LBHD1: variants seen among roughly 807,000 people sequenced by gnomAD.
LBHD1 encodes the protein LBH domain containing 1.
Under a neutral mutation model 31.1 loss-of-function variants are expected in LBHD1, and 28 were observed. The ratio of observed to expected loss-of-function variants is 0.90; its 90% CI spans 0.67 to 1.24. LBHD1 has a LOEUF of 1.24. LBHD1 is among the 50% of genes most tolerant of loss of function. The pLI is 0.00. For synonymous variants in LBHD1, 105 were observed against 116.5 expected (o/e 0.90, Z 0.63); for missense variants, 350 against 323.0 (o/e 1.08, Z -0.64).
intron 4 of LBHD1, chr11:62,665,208 C>T: frequency 1.3e-6 from 1 of 796,454 alleles, no homozygotes; most frequent in Non-Finnish European, 2.1e-6. Flanking sequence ...CGTACTTCCG[C>T]TCAGCGCCGG....
At position 62,671,644 on chromosome 11, in the gene LBHD1, A is replaced by G; in HGVS notation, c.-91T>C. On this transcript the variant is annotated 5_prime_UTR_variant, in exon 1 of 7. Transcript: ENST00000354588. ...CGGCCGCTTATCTATGGTTTCTGCT[A>G]TAGGGCGCTCTAGCCTGCGCCAAGG... 11 of 1,543,644 alleles carry G rather than the reference A, an allele frequency of 7.1e-6. No individual in the cohort carries two copies. The highest frequency in any genetic ancestry group is 2.3e-5 in the East Asian group (1 of 44,102).
rs750901662 is a variant in LBHD1, at chr11:62,664,857, C to T, written c.655G>A (p.Glu219Lys). The change falls in exon 5 of 7, where the codon GAA becomes AAA. Residue 219 changes from glutamate (E) to lysine (K), a missense_variant. Glu to Lys is a moderately conservative substitution (Grantham distance 56). Coordinates refer to ENST00000354588, the MANE Select transcript of LBHD1 (RefSeq NM_024099.5). The stretch of plus-strand genomic sequence containing the variant: ...GAGGGTCTAGTACTTACGCCCGCTT[C>T]TTGAGGTGGTGCCGCGTGATCAGCC... ...PRADHAAPPQEAGVQCTCQHY... is the reference protein window; with the variant it reads ...PRADHAAPPQKAGVQCTCQHY... 1.7e-5 allele frequency: 26 copies of T among 1,570,228 alleles called. No individual in the cohort carries two copies. The highest frequency in any genetic ancestry group is 2.0e-5 in the Non-Finnish European group (23 of 1,157,294).
intron 4 of LBHD1, chr11:62,665,185 C>T (rs930886721): frequency 4.9e-6 from 4 of 817,548 alleles, no homozygotes; most frequent in Admixed American, 4.0e-5. Context: ...CGATTCCACT[C>T]CAGTTCACGG....
intron 4 of LBHD1, chr11:62,666,648 A>G: frequency 6.2e-7 from 1 of 1,614,076 alleles, no homozygotes; most frequent in Non-Finnish European, 8.5e-7. Context: ...CTGGGGGTGG[A>G]CTTTTCTCCT....
intron 4 of LBHD1, chr11:62,665,243 T>C (rs929666912): frequency 5.2e-6 from 4 of 762,252 alleles, no homozygotes; most frequent in Non-Finnish European, 6.8e-6. Context: ...GCCCCGGCCT[T>C]CCGCGGGCCA....
In LBHD1 at chr11:62,672,043, C is replaced by G. The variant is rs748769481; in HGVS notation, c.-490G>C. 1 of 1,611,764 alleles carries G rather than the reference C, an allele frequency of 6.2e-7. No individual in the cohort carries two copies. The highest frequency in any genetic ancestry group is 8.5e-7 in the Non-Finnish European group (1 of 1,179,210). On this transcript the variant is annotated 5_prime_UTR_variant, in exon 1 of 7. Coordinates refer to ENST00000354588, the MANE Select transcript of LBHD1 (RefSeq NM_024099.5). ...CACTCTGCAGGAGGCAGCGACCACGCAGGAGAACGTGGCCTGGAGGAAGAA... is the reference window on the plus strand; with the variant it reads ...CACTCTGCAGGAGGCAGCGACCACGGAGGAGAACGTGGCCTGGAGGAAGAA...
intron 4 of LBHD1, chr11:62,666,242 G>T (rs1421310470): frequency 2.4e-6 from 2 of 821,464 alleles, no homozygotes; most frequent in Non-Finnish European, 4.0e-6. Context: ...AGGCTGAGGT[G>T]GAGGCTTCAG....
At chr11:62,666,451 C>T in intron 4 of LBHD1, 2 of 1,613,388 alleles carry the variant, frequency 1.2e-6, no homozygotes, top group Non-Finnish European at 1.7e-6. Context: ...GGCTGCATGC[C>T]CAGCCTCGTT....
Position 62,669,683 on chromosome 11 carries a change from C to G in LBHD1, c.271G>C (p.Glu91Gln). Residue 91 changes from glutamate (E) to glutamine (Q), a missense_variant, in exon 3 of 7, where the codon GAG becomes CAG. Transcript: ENST00000354588. ...TCTTGGAAGAAGGCCTCAGCATCCT[C>G]TTCCTCACCATCAGTGAGCAGCAGC... ...ELLLLTDGEE[E>Q]DAEAFFQDQS... The G allele has an allele frequency of 6.2e-7, 1 of 1,614,200 alleles. No individual in the cohort carries two copies. Among genetic ancestry groups the G allele is most frequent in the South Asian group, 1.1e-5 (1 of 91,082 alleles).
rs1299914267 is a variant in LBHD1, at chr11:62,669,369, T to C, written c.313+272A>G. 3 of 980,332 alleles carry C rather than the reference T, an allele frequency of 3.1e-6. No individual in the cohort carries two copies. In the African/African-American group the frequency reaches 5.3e-5, roughly 17 times the overall value. The allele number at this position is 980,332 out of a possible 1,614,324, so 60.7% of individuals were successfully genotyped here. ...CTGAGATCGCGCCACTGCACTCCAG[T>C]CTGGGTGACAGAGCGAGACTCAGTC... On this transcript the variant is annotated intron_variant, in intron 3 of 6. Transcript: ENST00000354588.
In LBHD1 at chr11:62,671,833, C is replaced by T; in HGVS notation, c.-280G>A. 6.2e-7 allele frequency: 1 copy of T among 1,614,146 alleles called. No individual in the cohort carries two copies. The highest frequency in any genetic ancestry group is 1.3e-5 in the African/African-American group (1 of 75,048). The stretch of plus-strand genomic sequence containing the variant: ...CTACGCGCTCCTCGTTATCGTGACC[C>T]CGGGAGAGCGGCGGAAGCAGGAAAT... On this transcript the variant is annotated 5_prime_UTR_variant, in exon 1 of 7. Coordinates refer to ENST00000354588, the MANE Select transcript of LBHD1 (RefSeq NM_024099.5).
intron 1 of LBHD1, chr11:62,670,407 G>A (rs1944917735): frequency 9.6e-6 from 2 of 208,728 alleles, no homozygotes; most frequent in East Asian, 1.1e-4. Flanking sequence ...TCTTTGGCAG[G>A]AGCTGTTTTA....
intron 5 of LBHD1, 111 bp downstream of exon 5, chr11:62,664,738 C>A: frequency 7.3e-7 from 1 of 1,366,538 alleles, no homozygotes; most frequent in South Asian, 1.4e-5. Flanking sequence ...ACATTCCCCG[C>A]ATAAGCGTCA....
chr11:62,665,194 G>C, intron 4 of LBHD1: 5 of 808,064 alleles, frequency 6.2e-6, no homozygotes, highest in African/African-American at 1.7e-5. Context: ...TCCAGTTCAC[G>C]GTCCGTACTT....
intron 3 of LBHD1, chr11:62,668,045 A>C (rs1389513120): frequency 3.7e-6 from 1 of 270,060 alleles, no homozygotes; most frequent in Admixed American, 4.7e-5. Context: ...TTGAGCTAAA[A>C]ATTAATTTCT....
intron 4 of LBHD1, chr11:62,665,277 C>T (rs1590846948): frequency 1.4e-6 from 1 of 739,166 alleles, no homozygotes; most frequent in East Asian, 2.7e-5. Flanking sequence ...GGCGGGTCCT[C>T]GGGCTATATA....
chr11:62,668,672 G>A (rs1280488145), intron 3 of LBHD1, among the ~76,000 whole-genome samples: 1 of 149,514 alleles, frequency 6.7e-6, no homozygotes, highest in South Asian at 2.1e-4. Context: ...GCGTGGTGGC[G>A]GGTGCCTGTA....
intron 4 of LBHD1, chr11:62,665,967 TGGAGAGGGCAA>T (rs1258348108): frequency 2.5e-6 from 4 of 1,596,450 alleles, no homozygotes; most frequent in Admixed American, 3.4e-5. Flanking sequence ...GGGGGCAGAG[TGGAGAGGGCAA>T]GGTGGGGGCA....
At chr11:62,666,805 A>AT (rs1434578519) in intron 4 of LBHD1, 3 of 1,614,018 alleles carry the variant, frequency 1.9e-6, no homozygotes. Flanking sequence ...CTTTCCAACT[A>AT]CTGCTGGACA....
Sources: allele counts gnomAD v4.1 joint callset (sites outside exome capture counted in the v4.1 genomes callset), GRCh38; gene constraint gnomAD v4.1.1; transcripts MANE v1.5; gene names NCBI Gene and HGNC (gene_info 2026-07-23, HGNC 2026-07-21).